The following B4GALT5 variants were observed in gnomAD, a reference collection of about 807,000 sequenced individuals.
B4GALT5 encodes the protein beta-1,4-galactosyltransferase 5.
Under a neutral mutation model 45.0 loss-of-function variants are expected in B4GALT5, and 11 were observed. The ratio of observed to expected loss-of-function variants is 0.24; its 90% CI spans 0.15 to 0.40. The LOEUF is 0.40. B4GALT5 is among the 10% of genes least tolerant of loss of function. The pLI is 1.00. For synonymous variants in B4GALT5, 185 were observed against 182.9 expected, an observed-to-expected ratio of 1.01 and a Z score of -0.09; for missense variants, 337 against 500.2, an observed-to-expected ratio of 0.67 and a Z score of 3.11.
At chr20:49,664,671 T>A (rs1230285761) in intron 1 of B4GALT5, among the ~76,000 whole-genome samples, 1 of 152,192 alleles carries the variant, frequency 6.6e-6, no homozygotes, top group African/African-American at 2.4e-5. Flanking sequence ...GGAATGTATA[T>A]CAGATATTAC....
At chr20:49,662,776 A>C (rs2085670469) in intron 1 of B4GALT5, among the ~76,000 whole-genome samples, 1 of 152,202 alleles carries the variant, frequency 6.6e-6, no homozygotes, top group Non-Finnish European at 1.5e-5. Context: ...AACATGTTCC[A>C]TACTATAATG....
At chr20:49,705,332 T>C (rs759661977) in intron 1 of B4GALT5, among the ~76,000 whole-genome samples, 4 of 152,082 alleles carry the variant, frequency 2.6e-5, no homozygotes, top group Admixed American at 2.6e-4. Flanking sequence ...AAGGAAAAAA[T>C]GGTCTTAACA....
chr20:49,633,611 A>G lies in B4GALT5; in HGVS notation c.*2701T>C, dbSNP rs1984433445. On this transcript the variant is annotated 3_prime_UTR_variant, in exon 9 of 9. Transcript: ENST00000371711. Reference sequence around the variant, plus strand: ...ACACAGACATGACCGCAAAGGTATCAAAGTGACCCCACTTTAAGCAGTGAA... The same window carrying G: ...ACACAGACATGACCGCAAAGGTATCGAAGTGACCCCACTTTAAGCAGTGAA... 6.6e-6 allele frequency: 1 copy of G among 152,172 alleles called. No homozygotes were observed. Among genetic ancestry groups the G allele is most frequent in the Admixed American group, 6.5e-5 (1 of 15,282 alleles). The allele number at this position is 152,172 out of a possible 1,614,324, so 9.4% of individuals were successfully genotyped here.
chr20:49,692,075 A>G (rs2085815302), intron 1 of B4GALT5, among the ~76,000 whole-genome samples: 1 of 152,126 alleles, frequency 6.6e-6, no homozygotes, highest in South Asian at 2.1e-4. Flanking sequence ...AAGAGGCCTC[A>G]GACAGTAATT....
At chr20:49,643,772 G>A in intron 3 of B4GALT5, 122 bp from the exon 4 acceptor site, 1 of 1,071,280 alleles carries the variant, frequency 9.3e-7, no homozygotes, top group Non-Finnish European at 1.3e-6. Context: ...AGCAAGGATG[G>A]AAGTCCCTTC....
At chr20:49,691,302 A>G (rs761671733) in intron 1 of B4GALT5, among the ~76,000 whole-genome samples, 4 of 152,090 alleles carry the variant, frequency 2.6e-5, no homozygotes, top group Non-Finnish European at 4.4e-5. Context: ...GGACTGCTTG[A>G]GCCCAGGAGT....
At chr20:49,636,545 G>A (rs1207356259) in intron 8 of B4GALT5, 86 bp from the exon 9 acceptor site, 87 of 1,449,820 alleles carry the variant, frequency 6.0e-5, no homozygotes, top group Non-Finnish European at 8.0e-5. Context: ...GCGTCCCACA[G>A]CAGAGGACGC....
chr20:49,690,064 C>T (rs1309131481), intron 1 of B4GALT5, among the ~76,000 whole-genome samples: 1 of 152,148 alleles, frequency 6.6e-6, no homozygotes, highest in African/African-American at 2.4e-5. Flanking sequence ...AGTGCAGTGG[C>T]ATGATCTCAG....
At position 49,635,553 on chromosome 20, in the gene B4GALT5, G is replaced by A. The variant is rs35273788; in HGVS notation, c.*759C>T. The A allele has an allele frequency of 2.0e-5, 3 of 152,322 alleles. No individual in the cohort carries two copies. Among genetic ancestry groups the A allele is most frequent in the Admixed American group, 6.6e-5 (1 of 15,266 alleles). 9.4% of individuals were successfully genotyped at this position (152,322 alleles called of 1,614,324 possible). A position where few individuals can be genotyped will look rare whatever the true frequency, so the allele number is the denominator to read the frequency against. ...TCCCTCGCCAAAGTGACAGCAATTC[G>A]GGAGATGACATTCTTCAACTGCATT... On this transcript the variant is annotated 3_prime_UTR_variant, in exon 9 of 9. Transcript: ENST00000371711.
intron 1 of B4GALT5, among the ~76,000 whole-genome samples, chr20:49,712,776 C>T (rs1457588022): frequency 8.1e-6 from 1 of 123,112 alleles, no homozygotes; most frequent in Admixed American, 1.0e-4. Flanking sequence ...GAAGCTGTGG[C>T]TGAAAGTCTG....
rs1019818442 is a variant in B4GALT5 at position 49,698,188 on chromosome 20, T to A, written c.115+15388A>T. ...AACTACAAAAATTAGCCGGGCATGGTGGCACGCACCTGTAATCCCAGATAC... is the reference window on the plus strand; with the variant it reads ...AACTACAAAAATTAGCCGGGCATGGAGGCACGCACCTGTAATCCCAGATAC... On this transcript the variant is annotated intron_variant, in intron 1 of 8. Coordinates refer to ENST00000371711, the MANE Select transcript of B4GALT5 (RefSeq NM_004776.4). 9.2e-5 allele frequency among the ~76,000 whole-genome samples: 14 copies of A among 152,196 alleles called. No homozygotes were observed. In the East Asian group the frequency reaches 2.7e-3, roughly 29 times the overall value.
chr20:49,646,463 T>C (rs1416344852), intron 3 of B4GALT5, among the ~76,000 whole-genome samples: 1 of 152,182 alleles, frequency 6.6e-6, no homozygotes, highest in Non-Finnish European at 1.5e-5. Context: ...TATGTTTAGA[T>C]ACACAAATAC....
intron 4 of B4GALT5, 34 bp downstream of exon 4, chr20:49,643,492 T>G (rs2085585485): frequency 6.2e-7 from 1 of 1,611,314 alleles, no homozygotes; most frequent in Non-Finnish European, 8.5e-7. Flanking sequence ...CCAGGTGGGC[T>G]TCTCAGCATT....
At chr20:49,706,055 G>A (rs372733447) in intron 1 of B4GALT5, among the ~76,000 whole-genome samples, 3 of 151,648 alleles carry the variant, frequency 2.0e-5, no homozygotes, top group African/African-American at 7.3e-5. Context: ...AGCTGGGCAT[G>A]GTTGCAGGTG....
At chr20:49,650,653 C>G (rs1411912528) in intron 2 of B4GALT5, among the ~76,000 whole-genome samples, 1 of 151,614 alleles carries the variant, frequency 6.6e-6, no homozygotes, top group Non-Finnish European at 1.5e-5. Context: ...AACAAACAAA[C>G]AAAGTCTGCT....
intron 1 of B4GALT5, among the ~76,000 whole-genome samples, chr20:49,677,223 T>G (rs560711142): frequency 1.3e-5 from 2 of 151,236 alleles, no homozygotes; most frequent in Non-Finnish European, 3.0e-5. Flanking sequence ...ATGACCCACA[T>G]ACAAACTGAA....
chr20:49,695,612 C>T (rs1436711199), intron 1 of B4GALT5, among the ~76,000 whole-genome samples: 1 of 152,052 alleles, frequency 6.6e-6, no homozygotes, highest in Non-Finnish European at 1.5e-5. Context: ...GGTTTCACCA[C>T]ATTGGCCAGG....
chr20:49,696,484 C>A (rs1436914486), intron 1 of B4GALT5, among the ~76,000 whole-genome samples: 3 of 152,174 alleles, frequency 2.0e-5, no homozygotes, highest in African/African-American at 7.2e-5. Context: ...TTTCAAGAAT[C>A]CCTTGCCAGA....
chr20:49,684,538 G>A (rs1301780450), intron 1 of B4GALT5: 1 of 514,410 alleles, frequency 1.9e-6, no homozygotes, highest in African/African-American at 1.9e-5. Flanking sequence ...ACTCCAGCCT[G>A]GGCGATAGAG....
Sources: allele counts gnomAD v4.1 joint callset (sites outside exome capture counted in the v4.1 genomes callset), GRCh38; gene constraint gnomAD v4.1.1; transcripts MANE v1.5; gene names NCBI Gene and HGNC (gene_info 2026-07-23, HGNC 2026-07-21).